IGF1R: variants seen among roughly 807,000 people sequenced by gnomAD.
The protein encoded by IGF1R is insulin-like growth factor 1 receptor.
A neutral mutation model predicts 144.6 loss-of-function variants in IGF1R; 44 were observed. The observed-to-expected ratio is 0.30, with a 90% confidence interval of 0.24 to 0.39. The LOEUF (loss-of-function observed/expected upper bound fraction) is 0.39, where lower values mean the gene tolerates loss of function less well. IGF1R is among the 10% of genes least tolerant of loss of function. The pLI is 1.00. For missense variants in IGF1R, 1,355 were observed against 1,833.7 expected, an observed-to-expected ratio of 0.74 and a Z score of 4.77; for synonymous variants, 795 against 722.8, an observed-to-expected ratio of 1.10 and a Z score of -1.60.
chr15:98,883,158 TGTGAAC>T (rs1200970183), intron 2 of IGF1R, among the ~76,000 whole-genome samples: 2 of 152,246 alleles, frequency 1.3e-5, no homozygotes, highest in Non-Finnish European at 2.9e-5. Flanking sequence ...GATTTTCTTT[TGTGAAC>T]GTTTAAGACA....
At chr15:98,861,023 T>C (rs2012120327) in intron 2 of IGF1R, among the ~76,000 whole-genome samples, 1 of 151,966 alleles carries the variant, frequency 6.6e-6, no homozygotes, top group African/African-American at 2.4e-5. Flanking sequence ...TTTTTCTTTT[T>C]CTTCCCTCCC....
At chr15:98,903,361 C>T (rs771485237) in intron 5 of IGF1R, among the ~76,000 whole-genome samples, 2 of 152,130 alleles carry the variant, frequency 1.3e-5, no homozygotes, top group Non-Finnish European at 2.9e-5. Flanking sequence ...AATTGAAATT[C>T]GCGGATAGGC....
rs182632804 is a variant in IGF1R at position 98,959,785 on chromosome 15, C to G, written c.*2343C>G. ...TTCAACACAGAAAAGAAAGTTTATA[C>G]GGCTTTTTTGCTGGTCAGCAGTTTG... On this transcript the variant is annotated 3_prime_UTR_variant, in exon 21 of 21. Coordinates refer to ENST00000650285, the MANE Select transcript of IGF1R (RefSeq NM_000875.5). 4.3e-6 allele frequency: 1 copy of G among 232,716 alleles called. No homozygotes were observed. The highest frequency in any genetic ancestry group is 8.5e-6 in the Non-Finnish European group (1 of 117,938). 14.4% of individuals were successfully genotyped at this position (232,716 alleles called of 1,614,324 possible).
intron 2 of IGF1R, among the ~76,000 whole-genome samples, chr15:98,722,890 G>A (rs1335941193): frequency 6.6e-6 from 1 of 152,160 alleles, no homozygotes; most frequent in Non-Finnish European, 1.5e-5. Flanking sequence ...GGAATCAGGA[G>A]CATCTCCGCC....
intron 2 of IGF1R, among the ~76,000 whole-genome samples, chr15:98,808,842 G>C (rs895467857): frequency 6.6e-6 from 1 of 151,952 alleles, no homozygotes; most frequent in African/African-American, 2.4e-5. Context: ...ACCATGTCTG[G>C]CTAATTTTTA....
intron 1 of IGF1R, among the ~76,000 whole-genome samples, chr15:98,664,241 A>C (rs2052671268): frequency 6.6e-6 from 1 of 151,984 alleles, no homozygotes; most frequent in South Asian, 2.1e-4. Context: ...TTTTCCCCCC[A>C]GTCTTGTTTC....
intron 2 of IGF1R, among the ~76,000 whole-genome samples, chr15:98,830,627 G>A (rs1389272930): frequency 3.2e-4 from 38 of 120,628 alleles, no homozygotes; most frequent in African/African-American, 1.8e-3. Context: ...TTTTTTAGAT[G>A]GAGTCTCATT....
At chr15:98,921,389 G>A (rs1188528841) in intron 10 of IGF1R, among the ~76,000 whole-genome samples, 4 of 152,142 alleles carry the variant, frequency 2.6e-5, no homozygotes, top group African/African-American at 9.7e-5. Flanking sequence ...ATGACTTTAT[G>A]CACTCCCTTT....
intron 2 of IGF1R, among the ~76,000 whole-genome samples, chr15:98,830,605 C>CTTTTTTTTTTTTTTTTT (rs60426791): frequency 2.9e-5 from 4 of 135,946 alleles, no homozygotes; most frequent in African/African-American, 1.1e-4. Context: ...TGATCATCAT[C>CTTTTTTTTTTTTTTTTT]TTTTTTTTTT....
intron 2 of IGF1R, among the ~76,000 whole-genome samples, chr15:98,773,956 T>G (rs1175435349): frequency 1.3e-5 from 2 of 152,200 alleles, no homozygotes; most frequent in Non-Finnish European, 2.9e-5. Flanking sequence ...AAACCTACCC[T>G]ATTTTTGTAT....
chr15:98,944,979 C>G (rs548581488), intron 19 of IGF1R, among the ~76,000 whole-genome samples: 6 of 152,368 alleles, frequency 3.9e-5, no homozygotes, highest in East Asian at 3.9e-4. Context: ...AGAGGTGTGT[C>G]TGTTCTAGCC....
chr15:98,724,377 G>T (rs1001440061), intron 2 of IGF1R, among the ~76,000 whole-genome samples: 5 of 152,170 alleles, frequency 3.3e-5, no homozygotes, highest in Non-Finnish European at 7.4e-5. Context: ...GCCACTGGGG[G>T]CTCACTGTGG....
chr15:98,729,959 T>C (rs917051466), intron 2 of IGF1R, among the ~76,000 whole-genome samples: 3 of 152,222 alleles, frequency 2.0e-5, no homozygotes, highest in Non-Finnish European at 2.9e-5. Flanking sequence ...TAAAAAGTTA[T>C]GGGATCACAA....
intron 2 of IGF1R, among the ~76,000 whole-genome samples, chr15:98,748,330 C>CA (rs1434137920): frequency 6.6e-6 from 1 of 151,978 alleles, no homozygotes; most frequent in Non-Finnish European, 1.5e-5. Flanking sequence ...CCTTGCCCAG[C>CA]AAATTTATTA....
chr15:98,660,346 T>C (rs1000189518), intron 1 of IGF1R: 1 of 152,232 alleles, frequency 6.6e-6, no homozygotes, highest in African/African-American at 2.4e-5. Flanking sequence ...GCATGCAGAA[T>C]GATTGCACTG....
intron 2 of IGF1R, among the ~76,000 whole-genome samples, chr15:98,747,575 C>CTAT (rs2141326896): frequency 6.6e-6 from 1 of 152,164 alleles, no homozygotes; most frequent in African/African-American, 2.4e-5. Context: ...TCTTAGATTC[C>CTAT]CTCTGACGAC....
At chr15:98,663,537 C>T (rs1225140323) in intron 1 of IGF1R, among the ~76,000 whole-genome samples, 1 of 152,206 alleles carries the variant, frequency 6.6e-6, no homozygotes, top group East Asian at 1.9e-4. Context: ...GAGTAATACG[C>T]CCTCCTATTG....
At chr15:98,815,583 TG>T (rs964007209) in intron 2 of IGF1R, among the ~76,000 whole-genome samples, 2 of 152,088 alleles carry the variant, frequency 1.3e-5, no homozygotes, top group African/African-American at 2.4e-5. Context: ...AGGTTAGGTG[TG>T]GGGGGTGATG....
chr15:98,698,245 G>C (rs577700977), intron 1 of IGF1R, among the ~76,000 whole-genome samples: 3 of 151,908 alleles, frequency 2.0e-5, no homozygotes, highest in East Asian at 1.9e-4. Flanking sequence ...CACCATGTTG[G>C]CCAGGCTGGT....
Sources: allele counts gnomAD v4.1 joint callset (sites outside exome capture counted in the v4.1 genomes callset), GRCh38; gene constraint gnomAD v4.1.1; transcripts MANE v1.5; gene names NCBI Gene and HGNC (gene_info 2026-07-23, HGNC 2026-07-21).